Variants in DPP10 observed in about 807,000 individuals in gnomAD.
DPP10 encodes the protein dipeptidyl peptidase like 10.
Under a neutral mutation model 120.9 loss-of-function variants are expected in DPP10, and 33 were observed. The observed-to-expected ratio is 0.27, with a 90% CI of 0.21 to 0.37. DPP10 has a LOEUF of 0.37. DPP10 is among the 10% of genes least tolerant of loss of function. The probability of loss-of-function intolerance (pLI) is 1.00; values close to 1 mark genes in which losing one functional copy is unlikely to be tolerated. For synonymous variants in DPP10, 337 were observed against 326.1 expected, an observed-to-expected ratio of 1.03 and a Z score of -0.36; for missense variants, 816 against 942.8, an observed-to-expected ratio of 0.87 and a Z score of 1.76.
chr2:114,718,015 G>T (rs1041216727), intron 1 of DPP10, among the ~76,000 whole-genome samples: 3 of 151,424 alleles, frequency 2.0e-5, no homozygotes, highest in African/African-American at 7.3e-5. Context: ...TAGAATTGGA[G>T]AAATTATCTC....
intron 1 of DPP10, among the ~76,000 whole-genome samples, chr2:115,090,852 G>C (rs1340080032): frequency 6.6e-6 from 1 of 152,052 alleles, no homozygotes. Context: ...GGAGGGGAGG[G>C]TTATCTCAGG....
chr2:114,960,260 G>A (rs184450845), intron 1 of DPP10, among the ~76,000 whole-genome samples: 3 of 151,964 alleles, frequency 2.0e-5, no homozygotes, highest in Admixed American at 2.0e-4. Flanking sequence ...ACAAAGAGAT[G>A]TTACTATGGC....
chr2:114,605,911 T>A (rs1427670475), intron 1 of DPP10, among the ~76,000 whole-genome samples: 1 of 152,132 alleles, frequency 6.6e-6, no homozygotes, highest in Non-Finnish European at 1.5e-5. Flanking sequence ...TAGCCCATAT[T>A]ATCTCCCTCT....
intron 17 of DPP10, among the ~76,000 whole-genome samples, chr2:115,784,658 CG>C (rs1009761190): frequency 1.3e-4 from 20 of 152,012 alleles, no homozygotes; most frequent in African/African-American, 4.8e-4. Flanking sequence ...CTCAGCCCCC[CG>C]AGTAGCTGGG....
chr2:115,557,774 C>T (rs763079588), intron 5 of DPP10, among the ~76,000 whole-genome samples: 1 of 152,158 alleles, frequency 6.6e-6, no homozygotes, highest in Non-Finnish European at 1.5e-5. Flanking sequence ...AAGGCCTACT[C>T]CTATTTGTCA....
intron 1 of DPP10, among the ~76,000 whole-genome samples, chr2:115,022,859 A>G (rs1174910464): frequency 2.0e-5 from 3 of 152,312 alleles, no homozygotes; most frequent in Non-Finnish European, 2.9e-5. Flanking sequence ...ACTTACAGCC[A>G]ATTGCTCTTC....
intron 7 of DPP10, among the ~76,000 whole-genome samples, chr2:115,691,538 C>T (rs188098519): frequency 2.0e-5 from 3 of 152,128 alleles, no homozygotes; most frequent in East Asian, 1.9e-4. Flanking sequence ...AGTCTTCTTC[C>T]GGCTCTTTTT....
intron 1 of DPP10, among the ~76,000 whole-genome samples, chr2:114,671,781 G>A (rs80022659): frequency 0.028 from 4,247 of 152,094 alleles, 85 homozygotes; most frequent in Non-Finnish European, 0.045. Context: ...TGTTGTGTGC[G>A]TTTATTCGTA....
intron 3 of DPP10, among the ~76,000 whole-genome samples, chr2:115,377,250 G>A (rs1329753987): frequency 6.6e-6 from 1 of 150,632 alleles, no homozygotes; most frequent in Non-Finnish European, 1.5e-5. Flanking sequence ...CATTCTAACT[G>A]GTGTGAGATG....
intron 10 of DPP10, among the ~76,000 whole-genome samples, chr2:115,748,973 C>T (rs575747627): frequency 7.9e-5 from 12 of 152,226 alleles, no homozygotes; most frequent in Non-Finnish European, 1.6e-4. Flanking sequence ...ATCTCATCAC[C>T]ATTCAGTTTA....
At chr2:114,892,417 A>G (rs1692616689) in intron 1 of DPP10, among the ~76,000 whole-genome samples, 1 of 152,202 alleles carries the variant, frequency 6.6e-6, no homozygotes, top group Admixed American at 6.5e-5. Context: ...ACAAAATGAA[A>G]TGCTTTGCTC....
intron 4 of DPP10, among the ~76,000 whole-genome samples, chr2:115,505,953 A>C (rs1386179146): frequency 6.6e-6 from 1 of 151,774 alleles, no homozygotes; most frequent in Non-Finnish European, 1.5e-5. Flanking sequence ...TTACCCCATA[A>C]ATATATACAA....
At chr2:115,146,674 T>C (rs914013758) in intron 1 of DPP10, among the ~76,000 whole-genome samples, 6 of 152,056 alleles carry the variant, frequency 3.9e-5, no homozygotes, top group African/African-American at 1.4e-4. Flanking sequence ...AAAATTCATA[T>C]TGATTCAGTT....
chr2:115,582,348 T>A (rs541626978), intron 5 of DPP10, among the ~76,000 whole-genome samples: 1 of 152,130 alleles, frequency 6.6e-6, no homozygotes, highest in Non-Finnish European at 1.5e-5. Flanking sequence ...ACTCTGCCAT[T>A]TTGCCTGTTA....
rs569102107 is a variant in DPP10 at position 115,451,658 on chromosome 2, T to C, written c.272-47852T>C. On this transcript the variant is annotated intron_variant, in intron 3 of 25. Transcript: ENST00000410059. ...GTTGCTACCATGAAATTTATGTCTTTTAAGAAGTACTTTATTCTCATTCAA... is the reference window on the plus strand; with the variant it reads ...GTTGCTACCATGAAATTTATGTCTTCTAAGAAGTACTTTATTCTCATTCAA... 2.0e-5 allele frequency among the ~76,000 whole-genome samples: 3 copies of C among 152,104 alleles called. No homozygotes were observed. In the South Asian group the frequency reaches 6.2e-4, roughly 31 times the overall value.
intron 1 of DPP10, among the ~76,000 whole-genome samples, chr2:114,902,868 G>A (rs970854640): frequency 6.6e-6 from 1 of 151,978 alleles, no homozygotes; most frequent in African/African-American, 2.4e-5. Context: ...TATGGATTTG[G>A]ACAAATGTGT....
rs1471175429 is a variant in DPP10 at position 115,782,356 on chromosome 2, A to T, written c.1488A>T (p.Pro496=). 1.9e-6 allele frequency: 3 copies of T among 1,611,630 alleles called. No homozygotes were observed. In the South Asian group the frequency reaches 3.3e-5, roughly 18 times the overall value. ...NQHFLLFCEG[P]RVPVVSLHST... is the part of the protein sequence containing the mutation. Reference sequence around the variant, plus strand: ...ACACATATTTTTAAATTCCAGGTCCAAGGGTCCCAGTGGTCAGCCTACATA... The same window carrying T: ...ACACATATTTTTAAATTCCAGGTCCTAGGGTCCCAGTGGTCAGCCTACATA... Residue 496 remains proline (P), a synonymous_variant, in exon 17 of 26, where the codon CCA becomes CCT. Coordinates refer to ENST00000410059, the MANE Select transcript of DPP10 (RefSeq NM_020868.6).
intron 1 of DPP10, among the ~76,000 whole-genome samples, chr2:114,898,996 C>T (rs1169605628): frequency 6.6e-6 from 1 of 151,904 alleles, no homozygotes; most frequent in Non-Finnish European, 1.5e-5. Context: ...TTGGGAATCT[C>T]ATCTAATTTA....
chr2:114,609,469 G>A (rs1458989674), intron 1 of DPP10, among the ~76,000 whole-genome samples: 1 of 152,136 alleles, frequency 6.6e-6, no homozygotes, highest in African/African-American at 2.4e-5. Context: ...GGTCCCAGCG[G>A]TGCCTGTGTG....
Sources: allele counts gnomAD v4.1 joint callset (sites outside exome capture counted in the v4.1 genomes callset), GRCh38; gene constraint gnomAD v4.1.1; transcripts MANE v1.5; gene names NCBI Gene and HGNC (gene_info 2026-07-23, HGNC 2026-07-21).